The following TNFRSF10A variants were observed in gnomAD, a reference collection of about 807,000 sequenced individuals.
TNFRSF10A encodes TNF receptor superfamily member 10a, also known as tumor necrosis factor receptor superfamily member 10A.
TNFRSF10A carries 44 observed loss-of-function variants against 42.8 expected under a neutral mutation model. The observed-to-expected ratio is 1.03, with a 90% CI of 0.81 to 1.32. The LOEUF is 1.32. Ranked by LOEUF, TNFRSF10A falls within the 40% of genes most tolerant of loss-of-function variation. The probability of loss-of-function intolerance (pLI) is 0.00; values close to 1 mark genes in which losing one functional copy is unlikely to be tolerated. For synonymous variants in TNFRSF10A, 259 were observed against 234.2 expected (o/e 1.11, Z -0.97); for missense variants, 680 against 602.0 (o/e 1.13, Z -1.36).
At chr8:23,218,960 A>G (rs778238093) in intron 1 of TNFRSF10A, among the ~76,000 whole-genome samples, 14 of 152,226 alleles carry the variant, frequency 9.2e-5, no homozygotes, top group African/African-American at 2.9e-4. Flanking sequence ...TGTTAGTACA[A>G]TCATTCCCCT....
At position 23,191,699 on chromosome 8, in the gene TNFRSF10A, C is replaced by G; in HGVS notation, c.1402G>C (p.Glu468Gln). ...EDGTGSAVSL[E>Q] ...CCTCTGGTAAAAAGAGTCTTTCACT[C>G]CAAGGACACGGCAGAGCCTGTGCCA... is the stretch of plus-strand genomic sequence containing the variant. Residue 468 changes from glutamate to glutamine, a missense_variant, in exon 10 of 10, where the codon GAG becomes CAG. By Grantham distance (29) the Glu-to-Gln change is conservative (BLOSUM62 2). Coordinates refer to ENST00000221132, the MANE Select transcript of TNFRSF10A (RefSeq NM_003844.4). 3 of 1,612,722 alleles carry G rather than the reference C, an allele frequency of 1.9e-6. No homozygotes were observed. Among genetic ancestry groups the G allele is most frequent in the Non-Finnish European group, 2.5e-6 (3 of 1,179,332 alleles).
intron 1 of TNFRSF10A, among the ~76,000 whole-genome samples, chr8:23,213,647 A>G (rs1183033373): frequency 2.0e-5 from 3 of 150,808 alleles, no homozygotes; most frequent in Non-Finnish European, 3.0e-5. Context: ...ACAGAGTTTC[A>G]CTGTGTTAGG....
At chr8:23,224,674 C>A (rs2128852701) in intron 1 of TNFRSF10A, 82 bp downstream of exon 1, 1 of 1,474,490 alleles carries the variant, frequency 6.8e-7, no homozygotes, top group East Asian at 2.5e-5. Context: ...GGCCAGGCAC[C>A]CCCGCCGCGT....
chr8:23,192,232 C>T (rs1484562501), intron 9 of TNFRSF10A, among the ~76,000 whole-genome samples: 1 of 152,202 alleles, frequency 6.6e-6, no homozygotes, highest in African/African-American at 2.4e-5. Flanking sequence ...GCGTCAAGGT[C>T]ACCAGAGAAT....
At chr8:23,218,562 C>T (rs1196306728) in intron 1 of TNFRSF10A, among the ~76,000 whole-genome samples, 3 of 152,094 alleles carry the variant, frequency 2.0e-5, no homozygotes, top group African/African-American at 2.4e-5. Context: ...CTCGGGCCAG[C>T]CTCATGGTCT....
At position 23,194,842 on chromosome 8, in the gene TNFRSF10A, C is replaced by G. The variant is rs368928380; in HGVS notation, c.1087+2290G>C. Reference sequence around the variant, plus strand: ...TGTCATTGGATTACAGAGAAAACTTCCAGTGCAGTAACTGAAAGACCAATG... The same window carrying G: ...TGTCATTGGATTACAGAGAAAACTTGCAGTGCAGTAACTGAAAGACCAATG... On this transcript the variant is annotated intron_variant, in intron 9 of 9. Coordinates refer to ENST00000221132, the MANE Select transcript of TNFRSF10A (RefSeq NM_003844.4). Among the ~76,000 whole-genome samples the G allele has an allele frequency of 1.2e-4, 18 of 152,274 alleles. No homozygotes were observed. In the East Asian group the frequency reaches 2.7e-3, roughly 23 times the overall value.
At chr8:23,224,132 C>G (rs13262416) in intron 1 of TNFRSF10A, among the ~76,000 whole-genome samples, 34,596 of 151,618 alleles carry the variant, frequency 0.23, 4,983 homozygotes, top group Non-Finnish European at 0.31. Flanking sequence ...AACCCCGTGA[C>G]TACTAAAAAT....
Position 23,199,443 on chromosome 8 carries a change from A to G in TNFRSF10A, c.837T>C (p.Cys279=), listed in dbSNP as rs201888775. The G allele has an allele frequency of 1.1e-4, 176 of 1,610,822 alleles. No individual in the cohort carries two copies. Among genetic ancestry groups the G allele is most frequent in the Non-Finnish European group, 1.5e-4 (172 of 1,177,362 alleles). Residue 279 remains cysteine (C), a synonymous_variant, in exon 8 of 10, where the codon TGT becomes TGC. Coordinates refer to ENST00000221132, the MANE Select transcript of TNFRSF10A (RefSeq NM_003844.4). ...GGDPKCMDRV[C]FWRLGLLRGP... ...CTCGTAGGAGACCCAAGCGCCAGAA[A>G]CACACCTTAGGAAGGCAAAGAGCCA...
At chr8:23,212,024 T>G in intron 2 of TNFRSF10A, 92 bp downstream of exon 2, 3 of 1,131,814 alleles carry the variant, frequency 2.7e-6, no homozygotes, top group Non-Finnish European at 3.9e-6. Context: ...GGAAAAGGAA[T>G]GTTATTGATG....
chr8:23,217,243 G>T (rs951434059), intron 1 of TNFRSF10A, among the ~76,000 whole-genome samples: 4 of 151,574 alleles, frequency 2.6e-5, no homozygotes, highest in African/African-American at 9.7e-5. Context: ...TTGAGACGGA[G>T]TCTTGCTCTG....
chr8:23,204,755 G>A (rs1445054614), intron 2 of TNFRSF10A, among the ~76,000 whole-genome samples: 1 of 152,014 alleles, frequency 6.6e-6, no homozygotes, highest in Non-Finnish European at 1.5e-5. Flanking sequence ...GGAAGAAACT[G>A]GGGAACATCA....
chr8:23,217,589 C>T (rs1186720307), intron 1 of TNFRSF10A, among the ~76,000 whole-genome samples: 1 of 152,150 alleles, frequency 6.6e-6, no homozygotes, highest in Non-Finnish European at 1.5e-5. Context: ...AACCTGACAA[C>T]GAGCTCCTGG....
intron 1 of TNFRSF10A, among the ~76,000 whole-genome samples, chr8:23,217,181 T>C (rs1801195551): frequency 6.6e-6 from 1 of 152,188 alleles, no homozygotes; most frequent in African/African-American, 2.4e-5. Context: ...ATTAGACATA[T>C]ACACATTTAT....
chr8:23,208,769 A>T lies in TNFRSF10A; in HGVS notation c.403+3347T>A, dbSNP rs117146281. 2.6e-4 allele frequency among the ~76,000 whole-genome samples: 39 copies of T among 152,144 alleles called. 1 individual carries two copies. The East Asian group carries it at 7.6e-3, about 29-fold the overall frequency. ...CCGCGCCTGGCCGGCATTCAGTTTT[A>T]TAAGGGAACCAGAGCATTAAAGTTT... On this transcript the variant is annotated intron_variant, in intron 2 of 9. Coordinates refer to ENST00000221132, the MANE Select transcript of TNFRSF10A (RefSeq NM_003844.4).
intron 9 of TNFRSF10A, among the ~76,000 whole-genome samples, chr8:23,193,602 G>A (rs79103305): frequency 0.013 from 2,046 of 152,158 alleles, 51 homozygotes; most frequent in African/African-American, 0.046. Context: ...GCAAGTGAGT[G>A]TCTTTTGTGG....
intron 2 of TNFRSF10A, 110 bp from the exon 3 acceptor site, chr8:23,202,871 A>C (rs914763173): frequency 2.0e-5 from 14 of 705,344 alleles, no homozygotes; most frequent in Non-Finnish European, 3.0e-5. Context: ...CAGACAGAGA[A>C]ATCCCATCTT....
intron 2 of TNFRSF10A, among the ~76,000 whole-genome samples, chr8:23,210,762 T>C (rs1272490158): frequency 6.6e-6 from 1 of 152,154 alleles, no homozygotes; most frequent in Non-Finnish European, 1.5e-5. Context: ...AAAGGTTGGT[T>C]CAACATCCCA....
At chr8:23,216,877 A>G (rs865940512) in intron 1 of TNFRSF10A, among the ~76,000 whole-genome samples, 4 of 152,088 alleles carry the variant, frequency 2.6e-5, no homozygotes, top group Non-Finnish European at 5.9e-5. Flanking sequence ...CTTTAATTTC[A>G]TTGAGATCAG....
intron 9 of TNFRSF10A, among the ~76,000 whole-genome samples, chr8:23,196,254 C>T (rs756495064): frequency 2.0e-5 from 3 of 152,074 alleles, no homozygotes; most frequent in East Asian, 1.9e-4. Context: ...AGTGCAGTAG[C>T]GCTATCTTGG....
Sources: allele counts gnomAD v4.1 joint callset (sites outside exome capture counted in the v4.1 genomes callset), GRCh38; gene constraint gnomAD v4.1.1; transcripts MANE v1.5; gene names NCBI Gene and HGNC (gene_info 2026-07-23, HGNC 2026-07-21).